OPA3: variants seen among roughly 807,000 people sequenced by gnomAD.
The protein encoded by OPA3 is optic atrophy 3 protein.
OPA3 carries 6 observed loss-of-function variants against 4.0 expected under a neutral mutation model. That is an observed-to-expected ratio of 1.51 (90% confidence interval 0.83 to 2.99). The LOEUF (loss-of-function observed/expected upper bound fraction) is 2.99, where lower values mean the gene tolerates loss of function less well. Among genes scored for constraint, OPA3 ranks in the 30% most tolerant of loss-of-function variants. The pLI, the probability that OPA3 is intolerant of heterozygous loss-of-function variation, is 0.00. For missense variants in OPA3, 235 were observed against 256.2 expected, an observed-to-expected ratio of 0.92 and a Z score of 0.56; for synonymous variants, 105 against 117.1, an observed-to-expected ratio of 0.90 and a Z score of 0.67.
chr19:45,555,925 C>A (rs1969414962), intron 1 of OPA3, among the ~76,000 whole-genome samples: 1 of 152,002 alleles, frequency 6.6e-6, no homozygotes, highest in African/African-American at 2.4e-5. Flanking sequence ...AGCCACTATG[C>A]CTGGCCTATA....
In OPA3 at chr19:45,553,221, T is replaced by G; in HGVS notation, c.*293A>C. Reference sequence around the variant, plus strand: ...TTCAGCTCAAGACCAGGTTCCATTTTTTCATTTGCCAGAGTGCCCACGGTG... The same window carrying G: ...TTCAGCTCAAGACCAGGTTCCATTTGTTCATTTGCCAGAGTGCCCACGGTG... On this transcript the variant is annotated 3_prime_UTR_variant, in exon 2 of 2. Coordinates refer to ENST00000263275, the MANE Select transcript of OPA3 (RefSeq NM_025136.4). 3.6e-6 allele frequency: 5 copies of G among 1,381,936 alleles called. No homozygotes were observed. The highest frequency in any genetic ancestry group is 5.5e-4 in the Middle Eastern group (2 of 3,668). The allele number at this position is 1,381,936 out of a possible 1,614,324, so 85.6% of individuals were successfully genotyped here. A position where few individuals can be genotyped will look rare whatever the true frequency, so the allele number is the denominator to read the frequency against.
At chr19:45,528,889 A>T in exon 2 of OPA3, 1 of 738,114 alleles carries the variant, frequency 1.4e-6, no homozygotes, top group Non-Finnish European at 2.2e-6. Context: ...TGGGCAGGTT[A>T]GTAGGGAGGT....
In OPA3 at chr19:45,555,743, G is replaced by A. The variant is rs1021346119; in HGVS notation, c.143-1832C>T. Among the ~76,000 whole-genome samples, 7 of 152,022 alleles carry A rather than the reference G, an allele frequency of 4.6e-5. No individual in the cohort carries two copies. In the East Asian group the frequency reaches 7.7e-4, roughly 17 times the overall value. On this transcript the variant is annotated intron_variant, in intron 1 of 1. Transcript: ENST00000263275. The stretch of plus-strand genomic sequence containing the variant: ...CCTGACCTCGTGATCCACCCACCTC[G>A]GCCTCCCAAAGTGTTGGGATTACAG...
chr19:45,557,397 C>G (rs1259853473), intron 1 of OPA3, among the ~76,000 whole-genome samples: 1 of 152,114 alleles, frequency 6.6e-6, no homozygotes, highest in Admixed American at 6.5e-5. Flanking sequence ...AATCACAGGG[C>G]TGTGATTCTA....
At chr19:45,583,945 A>G (rs563316078) in intron 1 of OPA3, among the ~76,000 whole-genome samples, 3 of 152,146 alleles carry the variant, frequency 2.0e-5, no homozygotes, top group African/African-American at 7.2e-5. Context: ...GATCAGGAGT[A>G]TATCTCCCAG....
intron 1 of OPA3, among the ~76,000 whole-genome samples, chr19:45,572,560 G>GATATATATTATGATATATGTATATAAAT (rs958009106): frequency 1.0e-5 from 1 of 99,144 alleles, no homozygotes; most frequent in Non-Finnish European, 2.2e-5. Flanking sequence ...ATCATATATG[G>GATATATATTATGATATATGTATATAAAT]ATATATATCA....
intron 1 of OPA3, among the ~76,000 whole-genome samples, chr19:45,534,224 A>G (rs1363899138): frequency 1.3e-5 from 2 of 152,216 alleles, no homozygotes; most frequent in Admixed American, 1.3e-4. Context: ...AATTCCAGGA[A>G]GGAGACAGAC....
At chr19:45,574,732 G>A (rs1464861407) in intron 1 of OPA3, among the ~76,000 whole-genome samples, 1 of 152,204 alleles carries the variant, frequency 6.6e-6, no homozygotes, top group Non-Finnish European at 1.5e-5. Flanking sequence ...ACCCACTGTG[G>A]TCTGTGCCTG....
At chr19:45,561,706 C>T (rs370175219) in intron 1 of OPA3, among the ~76,000 whole-genome samples, 48 of 152,022 alleles carry the variant, frequency 3.2e-4, no homozygotes, top group African/African-American at 9.6e-4. Context: ...TTTGGGAGGC[C>T]GAGGCGGGCA....
intron 1 of OPA3, 151 bp downstream of exon 1, chr19:45,584,472 C>A: frequency 6.9e-7 from 1 of 1,458,118 alleles, no homozygotes; most frequent in South Asian, 1.2e-5. Context: ...GCCACCCGTA[C>A]GCCCCTCTAT....
intron 1 of OPA3, among the ~76,000 whole-genome samples, chr19:45,584,181 G>A (rs1007762567): frequency 6.6e-6 from 1 of 152,022 alleles, no homozygotes; most frequent in Non-Finnish European, 1.5e-5. Flanking sequence ...GGATATACAA[G>A]CACCTCCTAG....
intron 1 of OPA3, among the ~76,000 whole-genome samples, chr19:45,580,403 C>A (rs1205937796): frequency 2.1e-5 from 3 of 145,156 alleles, no homozygotes; most frequent in Non-Finnish European, 3.0e-5. Flanking sequence ...AAGCGATTCT[C>A]CTGCCTCAGC....
At position 45,549,606 on chromosome 19, in the gene OPA3, G is replaced by A. The variant is rs932384787; in HGVS notation, c.*3908C>T. On this transcript the variant is annotated 3_prime_UTR_variant, in exon 2 of 2. Coordinates refer to ENST00000263275, the MANE Select transcript of OPA3 (RefSeq NM_025136.4). ...AGCAATTCTCGTGCCTCAGCCTCCC[G>A]AGTAGCTGGGATTCAGGAATGTGCC... is the stretch of plus-strand genomic sequence containing the variant. The A allele has an allele frequency of 1.2e-5, 9 of 767,750 alleles. No homozygotes were observed. In the South Asian group the frequency reaches 2.4e-4, roughly 20 times the overall value. The allele number at this position is 767,750 out of a possible 1,614,324, so 47.6% of individuals were successfully genotyped here.
chr19:45,574,674 T>C (rs1254451736), intron 1 of OPA3, among the ~76,000 whole-genome samples: 2 of 152,178 alleles, frequency 1.3e-5, no homozygotes, highest in Non-Finnish European at 2.9e-5. Context: ...TGGCAGACTG[T>C]GCCATCAGGG....
chr19:45,543,299 C>T (rs192535546), downstream of OPA3, among the ~76,000 whole-genome samples: 1 of 150,198 alleles, frequency 6.7e-6, no homozygotes, highest in Middle Eastern at 3.5e-3. Context: ...GCATGAGCCA[C>T]CACAACTGGC....
At position 45,553,731 on chromosome 19, in the gene OPA3, T is replaced by C. The variant is rs1969376767; in HGVS notation, c.323A>G (p.Gln108Arg). Residue 108 changes from glutamine to arginine, a missense_variant, in exon 2 of 2, where the codon CAG becomes CGG. By Grantham distance (43) the Gln-to-Arg change is conservative. Transcript: ENST00000263275. The part of the protein sequence containing the change: ...VLEYWRHQAQ[Q>R]RHKEEEQRAA... ...ACGCTGCTCCTCCTCCTTGTGGCGC[T>C]GCTGCGCCTGGTGGCGCCAGTACTC... 6.2e-7 allele frequency: 1 copy of C among 1,610,718 alleles called. No homozygotes were observed. The highest frequency in any genetic ancestry group is 8.5e-7 in the Non-Finnish European group (1 of 1,179,608).
At chr19:45,583,605 G>A (rs553087997) in intron 1 of OPA3, among the ~76,000 whole-genome samples, 80 of 151,806 alleles carry the variant, frequency 5.3e-4, no homozygotes, top group African/African-American at 1.9e-3. Context: ...AGGTTCAAGC[G>A]ATTCCCCTGC....
At chr19:45,575,750 T>C (rs1227081908) in intron 1 of OPA3, among the ~76,000 whole-genome samples, 2 of 152,098 alleles carry the variant, frequency 1.3e-5, no homozygotes, top group Admixed American at 1.3e-4. Flanking sequence ...ACTATAGGCA[T>C]GCATCACCAT....
downstream of OPA3, among the ~76,000 whole-genome samples, chr19:45,542,657 G>GCTTTTTTGTT (rs1568397956): frequency 1.6e-5 from 1 of 60,952 alleles, no homozygotes; most frequent in African/African-American, 5.5e-5. Flanking sequence ...GTACTTCACT[G>GCTTTTTTGTT]TTTTTTTGTT....
Sources: gnomAD v4.1 joint callset for allele counts (sites outside exome capture counted in the v4.1 genomes callset) on GRCh38, gnomAD v4.1.1 for gene constraint, MANE v1.5 for transcripts, NCBI Gene and HGNC (gene_info 2026-07-23, HGNC 2026-07-21) for gene names.